The following XPO7 variants were observed in gnomAD, a reference collection of about 807,000 sequenced individuals.
XPO7 encodes the protein exportin 7, also known as exportin-7.
A neutral mutation model predicts 144.3 loss-of-function variants in XPO7; 21 were observed. That is an observed-to-expected ratio of 0.15 (90% CI 0.10 to 0.21). The LOEUF is 0.21. XPO7 is among the 10% of genes least tolerant of loss of function. The pLI, the probability that XPO7 is intolerant of heterozygous loss-of-function variation, is 1.00. For synonymous variants in XPO7, 580 were observed against 499.6 expected, an observed-to-expected ratio of 1.16 and a Z score of -2.15; for missense variants, 808 against 1,325.8, an observed-to-expected ratio of 0.61 and a Z score of 6.06.
intron 6 of XPO7, 145 bp downstream of exon 6, chr8:21,974,919 G>A (rs1812178349): frequency 6.0e-6 from 4 of 666,018 alleles, no homozygotes; most frequent in Non-Finnish European, 9.6e-6. Flanking sequence ...GACTCATAGA[G>A]GCGTTGAAGA....
At chr8:21,951,066 A>G (rs905487923) in intron 1 of XPO7, among the ~76,000 whole-genome samples, 9 of 152,114 alleles carry the variant, frequency 5.9e-5, no homozygotes, top group African/African-American at 2.2e-4. Flanking sequence ...GCTGTACTCC[A>G]GCCTGGGCGA....
At chr8:21,996,657 G>A (rs892874529) in intron 21 of XPO7, among the ~76,000 whole-genome samples, 18 of 152,140 alleles carry the variant, frequency 1.2e-4, no homozygotes, top group Admixed American at 3.3e-4. Flanking sequence ...TTTAAAAAGT[G>A]AGCAAGATTT....
chr8:21,991,543 C>T (rs1217650836), intron 18 of XPO7, among the ~76,000 whole-genome samples: 1 of 152,240 alleles, frequency 6.6e-6, no homozygotes, highest in African/African-American at 2.4e-5. Context: ...GCACAAGCTT[C>T]AGTCCTTTCT....
At chr8:21,986,981 C>T (rs1214531333) in intron 13 of XPO7, among the ~76,000 whole-genome samples, 160 bp from the exon 14 acceptor site, 1 of 152,178 alleles carries the variant, frequency 6.6e-6, no homozygotes, top group Non-Finnish European at 1.5e-5. Flanking sequence ...TTGAAAACTC[C>T]TGGTCTAGTC....
At chr8:21,955,309 A>T (rs1314114556) in intron 1 of XPO7, among the ~76,000 whole-genome samples, 1 of 152,192 alleles carries the variant, frequency 6.6e-6, no homozygotes, top group Non-Finnish European at 1.5e-5. Flanking sequence ...TTTCCTCCTT[A>T]TCAGAACTCA....
intron 16 of XPO7, among the ~76,000 whole-genome samples, chr8:21,989,726 C>T (rs898516200): frequency 3.3e-5 from 5 of 150,358 alleles, no homozygotes; most frequent in Admixed American, 6.7e-5. Flanking sequence ...GGAACCCCTG[C>T]TGAGAAAAGC....
In XPO7 at chr8:21,987,828, C is replaced by T; in HGVS notation, c.1758C>T (p.Thr586=). The change falls in exon 15 of 28, where the codon ACC becomes ACT. Residue 586 remains threonine, a synonymous_variant. Coordinates refer to ENST00000252512, the MANE Select transcript of XPO7 (RefSeq NM_015024.5). ...LSEVLGLNDE[T]MVLSVFIGKI... is the part of the protein sequence containing the mutation. ...AAGTTCTGGGCTTGAATGATGAGACCATGGTCCTAAGCGTCTTCATAGGAA... is the reference window on the plus strand; with the variant it reads ...AAGTTCTGGGCTTGAATGATGAGACTATGGTCCTAAGCGTCTTCATAGGAA... The T allele has an allele frequency of 1.2e-6, 2 of 1,613,892 alleles. No homozygotes were observed. Among genetic ancestry groups the T allele is most frequent in the South Asian group, 1.1e-5 (1 of 91,064 alleles).
chr8:21,971,892 G>C lies in XPO7; in HGVS notation c.443G>C (p.Cys148Ser). ...TTTAACCAGGATAGTGTTGAATACT[G>C]CATCATTGGTGTCACAATTTTATCT... is the stretch of plus-strand genomic sequence containing the variant. ...TRFLQDSVEY[C>S]IIGVTILSQL... is the part of the protein sequence containing the mutation. The change falls in exon 5 of 28, where the codon TGC (cysteine) becomes TCC (serine). Residue 148 changes from cysteine to serine, a missense_variant. Cys to Ser is a moderately radical substitution (Grantham distance 112). Around this residue, in one of 5 missense-constraint regions of XPO7, gnomAD observed 223 missense variants for 368.8 expected, o/e 0.60. Transcript: ENST00000252512. The C allele has an allele frequency of 6.2e-7, 1 of 1,613,148 alleles. No homozygotes were observed. The highest frequency in any genetic ancestry group is 8.5e-7 in the Non-Finnish European group (1 of 1,179,608).
At chr8:21,985,875 AG>A (rs1812562992) in intron 13 of XPO7, among the ~76,000 whole-genome samples, 184 bp downstream of exon 13, 1 of 152,256 alleles carries the variant, frequency 6.6e-6, no homozygotes, top group African/African-American at 2.4e-5. Flanking sequence ...ATAAAAAACC[AG>A]CAATAATTCA....
rs771416679 is a variant in XPO7 at position 21,987,864 on chromosome 8, G to A, written c.1787+7G>A. ...GCGTCTTCATAGGAAAAATGTAAGTGTTTCAGCTTGCCACCAGCAAGAGTC... is the reference window on the plus strand; with the variant it reads ...GCGTCTTCATAGGAAAAATGTAAGTATTTCAGCTTGCCACCAGCAAGAGTC... On this transcript the variant is annotated splice_region_variant and intron_variant, in intron 15 of 27. Coordinates refer to ENST00000252512, the MANE Select transcript of XPO7 (RefSeq NM_015024.5). 3 of 1,613,288 alleles carry A rather than the reference G, an allele frequency of 1.9e-6. No homozygotes were observed. The highest frequency in any genetic ancestry group is 4.5e-5 in the East Asian group (2 of 44,872).
At chr8:21,958,730 C>G (rs1471294042) in intron 1 of XPO7, among the ~76,000 whole-genome samples, 1 of 151,604 alleles carries the variant, frequency 6.6e-6, no homozygotes, top group Non-Finnish European at 1.5e-5. Flanking sequence ...GAGGCTGAGG[C>G]GGGTGGAATA....
At chr8:21,988,053 G>C (rs972625007) in intron 15 of XPO7, among the ~76,000 whole-genome samples, 196 bp downstream of exon 15, 2 of 152,182 alleles carry the variant, frequency 1.3e-5, no homozygotes, top group African/African-American at 4.8e-5. Context: ...GCTTGTACAG[G>C]CAAGGATTTA....
At chr8:21,949,310 A>G (rs1412141927) in intron 1 of XPO7, among the ~76,000 whole-genome samples, 1 of 152,342 alleles carries the variant, frequency 6.6e-6, no homozygotes, top group African/African-American at 2.4e-5. Context: ...TCTGTCAGCC[A>G]TCAAAATACT....
chr8:21,984,871 C>G (rs758027754), intron 12 of XPO7, 32 bp downstream of exon 12: 7 of 1,607,844 alleles, frequency 4.4e-6, no homozygotes, highest in Non-Finnish European at 5.9e-6. Flanking sequence ...AACTCTAGAC[C>G]TGTGAGGAGA....
chr8:21,981,286 C>T (rs1202491177), intron 9 of XPO7, among the ~76,000 whole-genome samples: 1 of 152,176 alleles, frequency 6.6e-6, no homozygotes, highest in African/African-American at 2.4e-5. Context: ...TATAACTTTG[C>T]TAACTATCGG....
At chr8:21,951,370 C>T (rs1055561066) in intron 1 of XPO7, among the ~76,000 whole-genome samples, 2 of 151,770 alleles carry the variant, frequency 1.3e-5, no homozygotes, top group Admixed American at 1.3e-4. Context: ...CCTTACTCTT[C>T]TCTGTTTTTT....
At chr8:21,958,961 CA>C (rs34867010) in intron 1 of XPO7, among the ~76,000 whole-genome samples, 3,448 of 122,952 alleles carry the variant, frequency 0.028, 116 homozygotes, top group African/African-American at 0.089. Context: ...ACTCTGTCTC[CA>C]AAAAAAAAAA....
Position 21,919,730 on chromosome 8 carries a change from G to GT in XPO7, c.-41_-40insT. On this transcript the variant is annotated 5_prime_UTR_variant, in exon 1 of 28. Transcript: ENST00000252512. ...AGCGGCTCCGGCCGAGGTGCGCGCTGGGGGGGAGGGGGGGCCGGAGAGGAG... is the reference window on the plus strand; with the variant it reads ...AGCGGCTCCGGCCGAGGTGCGCGCTGTGGGGGGAGGGGGGGCCGGAGAGGAG... The GT allele has an allele frequency of 2.7e-6, 1 of 365,892 alleles. No homozygotes were observed. The highest frequency in any genetic ancestry group is 4.1e-6 in the Non-Finnish European group (1 of 243,158). 22.7% of individuals were successfully genotyped at this position (365,892 alleles called of 1,614,324 possible). A position where few individuals can be genotyped will look rare whatever the true frequency, so the allele number is the denominator to read the frequency against.
At chr8:21,947,507 A>C (rs142442029) in intron 1 of XPO7, among the ~76,000 whole-genome samples, 8 of 152,336 alleles carry the variant, frequency 5.3e-5, no homozygotes, top group African/African-American at 1.9e-4. Context: ...AGGAAATTCA[A>C]CCTTACTAAT....
Sources: gnomAD v4.1 joint callset for allele counts (sites outside exome capture counted in the v4.1 genomes callset) on GRCh38, gnomAD v4.1.1 for gene constraint, gnomAD v4.1.1 regional missense constraint, MANE v1.5 for transcripts, NCBI Gene and HGNC (gene_info 2026-07-23, HGNC 2026-07-21) for gene names.